Variants in TRIO observed in about 807,000 individuals in gnomAD.
TRIO encodes the protein triple functional domain protein.
A neutral mutation model predicts 351.9 loss-of-function variants in TRIO; 58 were observed. The observed-to-expected ratio is 0.16, with a 90% CI of 0.13 to 0.21. The LOEUF (loss-of-function observed/expected upper bound fraction) is 0.21, where lower values mean the gene tolerates loss of function less well. Among genes scored for constraint, TRIO ranks in the 10% least tolerant of loss-of-function variants. The pLI, the probability that TRIO is intolerant of heterozygous loss-of-function variation, is 1.00. For missense variants in TRIO, 3,201 were observed against 4,027.8 expected, an observed-to-expected ratio of 0.79 and a Z score of 5.56; for synonymous variants, 1,758 against 1,595.7, an observed-to-expected ratio of 1.10 and a Z score of -2.42.
chr5:14,198,017 A>T (rs1284571334), intron 1 of TRIO, among the ~76,000 whole-genome samples: 3 of 152,214 alleles, frequency 2.0e-5, no homozygotes, highest in African/African-American at 7.2e-5. Context: ...AGTCCAGAAC[A>T]AAGATAGTCA....
chr5:14,367,288 C>G (rs918327177), intron 16 of TRIO, among the ~76,000 whole-genome samples: 47 of 152,306 alleles, frequency 3.1e-4, no homozygotes, highest in African/African-American at 1.0e-3. Flanking sequence ...GATGCACTTT[C>G]TCTCATCTGG....
rs774871473 is a variant in TRIO, at chr5:14,488,139, G to T, written c.7511G>T (p.Gly2504Val). 5 of 1,608,022 alleles carry T rather than the reference G, an allele frequency of 3.1e-6. No homozygotes were observed. The highest frequency in any genetic ancestry group is 4.2e-6 in the Non-Finnish European group (5 of 1,179,504). Reference sequence around the variant, plus strand: ...CGACCCGGCTCCTTCACCTTCCCGGGGGACAGCGACTCCCTCCAGCGGCAG... The same window carrying T: ...CGACCCGGCTCCTTCACCTTCCCGGTGGACAGCGACTCCCTCCAGCGGCAG... Reference protein sequence around the residue: ...ASRPGSFTFPGDSDSLQRQTP... With the variant: ...ASRPGSFTFPVDSDSLQRQTP... The change falls in exon 48 of 57, where the codon GGG (glycine) becomes GTG (valine). Residue 2504 changes from glycine to valine, a missense_variant. Gly to Val is a moderately radical substitution (Grantham distance 109, BLOSUM62 -3). This residue lies in a region of TRIO where 1,089 missense variants were observed against 954.9 expected (regional missense o/e 1.14). Coordinates refer to ENST00000344204, the MANE Select transcript of TRIO (RefSeq NM_007118.4).
At chr5:14,248,969 T>A (rs939958343) in intron 1 of TRIO, among the ~76,000 whole-genome samples, 1 of 152,190 alleles carries the variant, frequency 6.6e-6, no homozygotes, top group African/African-American at 2.4e-5. Flanking sequence ...AAAAAAGATT[T>A]GCTGAGCTTC....
chr5:14,291,356 G>A (rs1294033193), intron 5 of TRIO, 128 bp downstream of exon 5: 5 of 996,244 alleles, frequency 5.0e-6, no homozygotes, highest in East Asian at 2.6e-5. Flanking sequence ...CTAAACCAGC[G>A]AGAGTCATTT....
Position 14,341,934 on chromosome 5 carries a change from G to A in TRIO, c.2046+5207G>A, listed in dbSNP as rs575845664. On this transcript the variant is annotated intron_variant, in intron 11 of 56. Transcript: ENST00000344204. ...CTGAACTGGGACAAGTTTTTGTTTA[G>A]AGTAATGGCTGGGAAAAGAGGAACC... is the stretch of plus-strand genomic sequence containing the variant. 9.2e-5 allele frequency among the ~76,000 whole-genome samples: 14 copies of A among 152,326 alleles called. No individual in the cohort carries two copies. In the South Asian group the frequency reaches 2.5e-3, roughly 27 times the overall value.
rs375551301 is a variant in TRIO, at chr5:14,367,456, C to G, written c.2874+477C>G. 3.5e-4 allele frequency among the ~76,000 whole-genome samples: 53 copies of G among 152,314 alleles called. 1 individual carries two copies. In the South Asian group the frequency reaches 9.7e-3, roughly 28 times the overall value. On this transcript the variant is annotated intron_variant, in intron 16 of 56. Coordinates refer to ENST00000344204, the MANE Select transcript of TRIO (RefSeq NM_007118.4). Reference sequence around the variant, plus strand: ...CATGAATTCACTATCAGTCAGTAAACGATGCCGACAGCAAAACTCCTCAGA... The same window carrying G: ...CATGAATTCACTATCAGTCAGTAAAGGATGCCGACAGCAAAACTCCTCAGA...
At chr5:14,323,443 C>T (rs1740071217) in intron 9 of TRIO, among the ~76,000 whole-genome samples, 1 of 152,148 alleles carries the variant, frequency 6.6e-6, no homozygotes, top group African/African-American at 2.4e-5. Context: ...TTGAGTGGTG[C>T]TTTTAGTCAC....
chr5:14,416,946 G>A (rs1165399842), intron 33 of TRIO, among the ~76,000 whole-genome samples: 2 of 152,232 alleles, frequency 1.3e-5, no homozygotes, highest in African/African-American at 2.4e-5. Context: ...AGCAGCGGGT[G>A]GCATCACTGG....
intron 1 of TRIO, among the ~76,000 whole-genome samples, chr5:14,188,021 C>T (rs528709499): frequency 6.9e-4 from 105 of 152,268 alleles, no homozygotes; most frequent in East Asian, 9.6e-4. Flanking sequence ...CCTTGCCAGC[C>T]GAGGAGTTAG....
In TRIO at chr5:14,473,443, G is replaced by A. The variant is rs891793544; in HGVS notation, c.5980-551G>A. On this transcript the variant is annotated intron_variant, in intron 39 of 56. Coordinates refer to ENST00000344204, the MANE Select transcript of TRIO (RefSeq NM_007118.4). ...CATGCTTGATTTATCTGCAGTCATT[G>A]TTCACAATGAGATAAGCAACCTGAG... 5.3e-5 allele frequency among the ~76,000 whole-genome samples: 8 copies of A among 152,180 alleles called. 1 individual carries two copies. In the South Asian group the frequency reaches 1.7e-3, roughly 32 times the overall value.
intron 1 of TRIO, among the ~76,000 whole-genome samples, chr5:14,216,727 G>GT (rs1792251109): frequency 6.6e-6 from 1 of 152,246 alleles, no homozygotes; most frequent in Non-Finnish European, 1.5e-5. Flanking sequence ...ATAAAAGCAT[G>GT]TTTATAGTTT....
intron 38 of TRIO, 29 bp from the exon 39 acceptor site, chr5:14,472,563 G>A: frequency 6.2e-7 from 1 of 1,612,746 alleles, no homozygotes; most frequent in Non-Finnish European, 8.5e-7. Context: ...AAAACAGTTT[G>A]CATGATAAAC....
chr5:14,357,486 C>CTT (rs1410289620), intron 11 of TRIO, among the ~76,000 whole-genome samples: 1 of 152,208 alleles, frequency 6.6e-6, no homozygotes, highest in Non-Finnish European at 1.5e-5. Flanking sequence ...TCTTGCCACT[C>CTT]TCATTCCAGG....
chr5:14,146,487 GCTTTGT>G (rs1787531805), intron 1 of TRIO, among the ~76,000 whole-genome samples: 1 of 152,132 alleles, frequency 6.6e-6, no homozygotes, highest in South Asian at 2.1e-4. Context: ...CCCGCATTCG[GCTTTGT>G]CTTTGTAGCC....
At chr5:14,443,682 A>T (rs1478515725) in intron 34 of TRIO, among the ~76,000 whole-genome samples, 1 of 152,192 alleles carries the variant, frequency 6.6e-6, no homozygotes, top group Non-Finnish European at 1.5e-5. Context: ...CCAAATGTGA[A>T]CCAGTCTTGC....
At chr5:14,201,296 C>T (rs937253244) in intron 1 of TRIO, among the ~76,000 whole-genome samples, 12 of 152,098 alleles carry the variant, frequency 7.9e-5, no homozygotes, top group Non-Finnish European at 1.2e-4. Context: ...AAAACGTTCT[C>T]ATCTATTTTT....
rs1360550202 is a variant in TRIO, at chr5:14,144,583, C to CG, written c.157+708dup. ...GGAGGGTCAGCTGGGAACGTGGCCCCGGGGGGGCGGCGCGGGGCTGGGGCT... is the reference window on the plus strand; with the variant it reads ...GGAGGGTCAGCTGGGAACGTGGCCCCGGGGGGGGCGGCGCGGGGCTGGGGCT... On this transcript the variant is annotated intron_variant, in intron 1 of 56. Coordinates refer to ENST00000344204, the MANE Select transcript of TRIO (RefSeq NM_007118.4). Among the ~76,000 whole-genome samples, 5 of 151,788 alleles carry CG rather than the reference C, an allele frequency of 3.3e-5. No individual in the cohort carries two copies. The East Asian group carries it at 7.8e-4, about 24-fold the overall frequency.
intron 27 of TRIO, among the ~76,000 whole-genome samples, chr5:14,393,004 G>C (rs556217146): frequency 1.3e-5 from 2 of 150,444 alleles, no homozygotes; most frequent in African/African-American, 4.9e-5. Flanking sequence ...CTGAGATCAC[G>C]CCACTGCATT....
At chr5:14,230,532 T>C (rs757629335) in intron 1 of TRIO, among the ~76,000 whole-genome samples, 4 of 152,178 alleles carry the variant, frequency 2.6e-5, no homozygotes, top group Admixed American at 6.5e-5. Flanking sequence ...TACTTTCCTG[T>C]GCTCTCATAG....
Sources: allele counts gnomAD v4.1 joint callset (sites outside exome capture counted in the v4.1 genomes callset), GRCh38; gene constraint gnomAD v4.1.1; regional missense constraint gnomAD v4.1.1; transcripts MANE v1.5; gene names NCBI Gene and HGNC (gene_info 2026-07-23, HGNC 2026-07-21).